Variants in PRPF18 observed in about 807,000 individuals in gnomAD.
The protein encoded by PRPF18 is pre-mRNA-splicing factor 18.
In PRPF18, 38 loss-of-function variants were observed where a neutral mutation model predicts 46.5. The observed-to-expected ratio is 0.82, with a 90% confidence interval of 0.63 to 1.07. The LOEUF (loss-of-function observed/expected upper bound fraction) is 1.07, where lower values mean the gene tolerates loss of function less well. PRPF18 is among the 50% of genes least tolerant of loss of function. PRPF18 has a pLI of 0.00. For missense variants in PRPF18, 263 were observed against 410.0 expected (o/e 0.64, Z 3.10); for synonymous variants, 152 against 146.7 (o/e 1.04, Z -0.26).
intron 9 of PRPF18, among the ~76,000 whole-genome samples, chr10:13,628,023 G>C (rs192598928): frequency 6.6e-6 from 1 of 152,088 alleles, no homozygotes; most frequent in South Asian, 2.1e-4. Context: ...CATGGCTACC[G>C]ATCAAAGTTC....
At chr10:13,648,195 T>C in the PRPF18 span, 1 of 152,176 alleles carries the variant, frequency 6.6e-6, no homozygotes, top group East Asian at 1.9e-4. Context: ...AGTCCTGTGT[T>C]TGGAGCACCA....
chr10:13,613,321 T>C (rs1268601835), intron 6 of PRPF18, among the ~76,000 whole-genome samples: 2 of 152,210 alleles, frequency 1.3e-5, no homozygotes, highest in Admixed American at 1.3e-4. Context: ...TCTCCTTTAG[T>C]CAGGTGCTTT....
intron 9 of PRPF18, among the ~76,000 whole-genome samples, chr10:13,622,948 C>T (rs543535340): frequency 1.6e-3 from 239 of 152,280 alleles, no homozygotes; most frequent in Non-Finnish European, 2.6e-3. Context: ...CCTGTAATCC[C>T]AGCACTTTGG....
In PRPF18 at chr10:13,600,869, C is replaced by T. The variant is rs138568582; in HGVS notation, c.249+521C>T. ...TCAGTTCACTGCAATCTCTGCCTCC[C>T]GGGTTCAAGCGATTCTCCTGCCTCA... On this transcript the variant is annotated intron_variant, in intron 3 of 9. Transcript: ENST00000378572. Among the ~76,000 whole-genome samples the T allele has an allele frequency of 2.1e-3, 324 of 152,256 alleles. 1 individual carries two copies. Among genetic ancestry groups the T allele is most frequent in the Middle Eastern group, 6.8e-3 (2 of 294 alleles).
intron 9 of PRPF18, among the ~76,000 whole-genome samples, chr10:13,628,776 A>C (rs1294399418): frequency 6.6e-6 from 1 of 152,170 alleles, no homozygotes; most frequent in Non-Finnish European, 1.5e-5. Context: ...ACCTTTGGCA[A>C]AGTCTTTCCT....
chr10:13,611,026 T>C lies in PRPF18; in HGVS notation c.511-589T>C, dbSNP rs908258396. ...TAATGCTTAAGGAAACATAAACTTA[T>C]TTTTCTGTTTCCTTTAATTCCTGGC... On this transcript the variant is annotated intron_variant, in intron 5 of 9. Transcript: ENST00000378572. 2.6e-5 allele frequency among the ~76,000 whole-genome samples: 4 copies of C among 152,194 alleles called. No homozygotes were observed. In the South Asian group the frequency reaches 6.2e-4, roughly 24 times the overall value.
the PRPF18 span, chr10:13,643,578 A>G: frequency 6.6e-6 from 1 of 152,624 alleles, no homozygotes; most frequent in South Asian, 2.1e-4. Context: ...TAAAAATGCC[A>G]TCTATAGATT....
chr10:13,639,955 A>C, the PRPF18 span: 1 of 152,012 alleles, frequency 6.6e-6, no homozygotes, highest in Non-Finnish European at 1.5e-5. Flanking sequence ...GTGGCTGTTC[A>C]CTCCTGAAGG....
chr10:13,654,700 A>C, the PRPF18 span: 1 of 589,918 alleles, frequency 1.7e-6, no homozygotes. Flanking sequence ...CCATCTCTAC[A>C]TGCCCCCCCA....
intron 9 of PRPF18, among the ~76,000 whole-genome samples, chr10:13,620,740 A>C (rs2080410275): frequency 6.6e-6 from 1 of 152,254 alleles, no homozygotes; most frequent in Non-Finnish European, 1.5e-5. Context: ...GTTTTATGAA[A>C]TATGATAGAC....
chr10:13,628,931 C>G (rs7070973), intron 9 of PRPF18, among the ~76,000 whole-genome samples: 123,486 of 152,092 alleles, frequency 0.81, 50,254 homozygotes, highest in East Asian at 0.86. Flanking sequence ...TGTTTGCGCA[C>G]GGTATTGAGT....
chr10:13,647,867 C>A, the PRPF18 span: 1 of 151,232 alleles, frequency 6.6e-6, no homozygotes, highest in African/African-American at 2.4e-5. Flanking sequence ...TTCGGAAAAA[C>A]AGCCTCTCTT....
chr10:13,621,033 G>A (rs1454908093), intron 9 of PRPF18, among the ~76,000 whole-genome samples: 1 of 152,168 alleles, frequency 6.6e-6, no homozygotes, highest in East Asian at 1.9e-4. Context: ...TTTGGGTAAA[G>A]CTTCTTTTAC....
chr10:13,654,525 G>A, the PRPF18 span: 3 of 1,578,580 alleles, frequency 1.9e-6, no homozygotes, highest in Non-Finnish European at 2.6e-6. Flanking sequence ...ACATGCAGGT[G>A]GTGCAAGAAA....
At chr10:13,634,580 T>G (rs982224678), downstream of PRPF18, among the ~76,000 whole-genome samples, 1 of 152,242 alleles carries the variant, frequency 6.6e-6, no homozygotes, top group Non-Finnish European at 1.5e-5. Flanking sequence ...AGCGTTGCAG[T>G]CTGTGCAGTC....
intron 1 of PRPF18, chr10:13,592,272 CT>C: frequency 2.1e-6 from 1 of 481,358 alleles, no homozygotes; most frequent in Non-Finnish European, 3.8e-6. Context: ...GCCTTCTTGG[CT>C]TTGGGTTTCT....
chr10:13,614,412 T>G (rs2080311225), intron 8 of PRPF18, among the ~76,000 whole-genome samples: 2 of 152,240 alleles, frequency 1.3e-5, no homozygotes, highest in Admixed American at 1.3e-4. Context: ...TGGCTGATTA[T>G]GTCTTGGAAC....
downstream of PRPF18, chr10:13,630,881 T>TA (rs1226386675): frequency 6.6e-6 from 1 of 152,254 alleles, no homozygotes; most frequent in African/African-American, 2.4e-5. Flanking sequence ...ACTCAAATGT[T>TA]ATTTTTCTTG....
chr10:13,610,768 A>G (rs1357530614), intron 5 of PRPF18, among the ~76,000 whole-genome samples: 1 of 152,060 alleles, frequency 6.6e-6, no homozygotes, highest in Non-Finnish European at 1.5e-5. Context: ...GGATTTATAT[A>G]TGTATATTTA....
Sources: allele counts gnomAD v4.1 joint callset (sites outside exome capture counted in the v4.1 genomes callset), GRCh38; gene constraint gnomAD v4.1.1; transcripts MANE v1.5; gene names NCBI Gene and HGNC (gene_info 2026-07-23, HGNC 2026-07-21).